Variants in PXDNL observed in about 807,000 individuals in gnomAD.
PXDNL encodes the protein peroxidasin like.
Under a neutral mutation model 150.8 loss-of-function variants are expected in PXDNL, and 145 were observed. That is an observed-to-expected ratio of 0.96 (90% CI 0.84 to 1.10). PXDNL has a LOEUF of 1.10. Among genes scored for constraint, PXDNL ranks in the 50% least tolerant of loss-of-function variants. The probability of loss-of-function intolerance (pLI) is 0.00; values close to 1 mark genes in which losing one functional copy is unlikely to be tolerated. For synonymous variants in PXDNL, 757 were observed against 725.7 expected (o/e 1.04, Z -0.69); for missense variants, 2,087 against 1,873.9 (o/e 1.11, Z -2.10).
intron 14 of PXDNL, among the ~76,000 whole-genome samples, chr8:51,417,802 A>T (rs1027488280): frequency 2.0e-5 from 3 of 152,250 alleles, no homozygotes; most frequent in Admixed American, 2.0e-4. Context: ...GCCTTTATGA[A>T]ATCATTTTGT....
chr8:51,654,680 A>G lies in PXDNL; in HGVS notation c.236+9T>C. The G allele has an allele frequency of 6.2e-7, 1 of 1,605,746 alleles. No homozygotes were observed. Among genetic ancestry groups the G allele is most frequent in the Middle Eastern group, 1.7e-4 (1 of 6,048 alleles). ...TTAGGAACCTTACAGATAAGCAATA[A>G]GTACTCACAGTGTGTTCAAATTCTT... On this transcript the variant is annotated intron_variant, in intron 2 of 22. Coordinates refer to ENST00000356297, the MANE Select transcript of PXDNL (RefSeq NM_144651.5).
chr8:51,742,146 G>A (rs1279491644), intron 1 of PXDNL, among the ~76,000 whole-genome samples: 1 of 152,152 alleles, frequency 6.6e-6, no homozygotes, highest in South Asian at 2.1e-4. Context: ...CATCTAAAAT[G>A]TTACATACTG....
At chr8:51,522,658 A>G (rs1428123735) in intron 4 of PXDNL, among the ~76,000 whole-genome samples, 6 of 152,158 alleles carry the variant, frequency 3.9e-5, no homozygotes, top group African/African-American at 1.4e-4. Context: ...AGCCTGGCCA[A>G]CATGATGAAA....
rs140657871 is a variant in PXDNL, at chr8:51,529,409, C to T, written c.380+27431G>A. ...TTACTTGACTTATCAACAGCATTGCCCACAGGTTATTACTCCTGAAGACCT... is the reference window on the plus strand; with the variant it reads ...TTACTTGACTTATCAACAGCATTGCTCACAGGTTATTACTCCTGAAGACCT... On this transcript the variant is annotated intron_variant, in intron 4 of 22. Coordinates refer to ENST00000356297, the MANE Select transcript of PXDNL (RefSeq NM_144651.5). Among the ~76,000 whole-genome samples, 17 of 152,270 alleles carry T rather than the reference C, an allele frequency of 1.1e-4. No homozygotes were observed. The East Asian group carries it at 3.3e-3, about 29-fold the overall frequency.
At chr8:51,514,671 G>T (rs915958020) in intron 4 of PXDNL, among the ~76,000 whole-genome samples, 1 of 152,064 alleles carries the variant, frequency 6.6e-6, no homozygotes, top group African/African-American at 2.4e-5. Context: ...TTGAGCAAAT[G>T]ACACCACTTA....
At chr8:51,782,733 G>A (rs1043107184) in intron 1 of PXDNL, among the ~76,000 whole-genome samples, 2 of 152,136 alleles carry the variant, frequency 1.3e-5, no homozygotes, top group Non-Finnish European at 2.9e-5. Context: ...TCCAACCAAC[G>A]TCTCCAAGTC....
chr8:51,784,648 CAAAGGA>C (rs1563320562), intron 1 of PXDNL, among the ~76,000 whole-genome samples: 5 of 152,004 alleles, frequency 3.3e-5, no homozygotes, highest in Non-Finnish European at 7.4e-5. Context: ...TAATAAAAGA[CAAAGGA>C]ATGCCTGAAC....
chr8:51,663,089 G>T (rs1390084291), intron 1 of PXDNL, among the ~76,000 whole-genome samples: 1 of 152,178 alleles, frequency 6.6e-6, no homozygotes, highest in Non-Finnish European at 1.5e-5. Flanking sequence ...TTTCAAGGCA[G>T]GTGTTAACAT....
intron 10 of PXDNL, among the ~76,000 whole-genome samples, chr8:51,449,647 A>G (rs989671023): frequency 6.6e-6 from 1 of 152,218 alleles, no homozygotes; most frequent in African/African-American, 2.4e-5. Flanking sequence ...ATTTTGTATT[A>G]TTGCTTTTGT....
At chr8:51,618,121 G>A (rs780538247) in intron 2 of PXDNL, among the ~76,000 whole-genome samples, 2 of 152,190 alleles carry the variant, frequency 1.3e-5, no homozygotes, top group Non-Finnish European at 2.9e-5. Flanking sequence ...GCGCTACCTC[G>A]CCACACAAGC....
At chr8:51,735,361 T>C (rs1357111993) in intron 1 of PXDNL, among the ~76,000 whole-genome samples, 1 of 151,508 alleles carries the variant, frequency 6.6e-6, no homozygotes, top group African/African-American at 2.4e-5. Context: ...GGTGCGTGCC[T>C]GTAATCCCAG....
At chr8:51,393,857 C>T (rs984639560) in intron 17 of PXDNL, among the ~76,000 whole-genome samples, 1 of 152,190 alleles carries the variant, frequency 6.6e-6, no homozygotes, top group South Asian at 2.1e-4. Context: ...AAGGGCACAG[C>T]CCTGATTTTA....
intron 3 of PXDNL, among the ~76,000 whole-genome samples, chr8:51,574,176 A>C (rs1813003146): frequency 6.6e-6 from 1 of 152,060 alleles, no homozygotes; most frequent in Non-Finnish European, 1.5e-5. Flanking sequence ...ACAAGCTGGA[A>C]ATAACTTTTT....
intron 5 of PXDNL, among the ~76,000 whole-genome samples, chr8:51,488,943 G>A (rs1418790567): frequency 1.3e-5 from 2 of 152,164 alleles, no homozygotes; most frequent in East Asian, 1.9e-4. Context: ...TATCATACTT[G>A]TAAAACAAGG....
At chr8:51,627,614 C>T (rs1814391634) in intron 2 of PXDNL, among the ~76,000 whole-genome samples, 1 of 152,110 alleles carries the variant, frequency 6.6e-6, no homozygotes, top group South Asian at 2.1e-4. Context: ...AAATATCAAG[C>T]AGTAACTGTC....
At chr8:51,618,182 G>T (rs761773071) in intron 2 of PXDNL, among the ~76,000 whole-genome samples, 10 of 152,236 alleles carry the variant, frequency 6.6e-5, no homozygotes, top group Non-Finnish European at 1.2e-4. Context: ...AAGCTAAAGG[G>T]CAAAGACACT....
At chr8:51,619,800 G>A (rs796879722) in intron 2 of PXDNL, among the ~76,000 whole-genome samples, 1 of 152,198 alleles carries the variant, frequency 6.6e-6, no homozygotes, top group South Asian at 2.1e-4. Context: ...TTATAGTAGT[G>A]CAAGAACAAA....
At chr8:51,581,513 A>ATAAATAAATAAATAAATAAT (rs538220379) in intron 3 of PXDNL, among the ~76,000 whole-genome samples, 48 of 151,990 alleles carry the variant, frequency 3.2e-4, no homozygotes, top group African/African-American at 9.4e-4. Context: ...AAATAAATAA[A>ATAAATAAATAAATAAATAAT]TTTTAAAAAT....
chr8:51,559,500 A>C (rs191969530), intron 3 of PXDNL, among the ~76,000 whole-genome samples: 75 of 152,138 alleles, frequency 4.9e-4, no homozygotes, highest in Middle Eastern at 3.4e-3. Context: ...CGAAAGAAGA[A>C]AAACACATCA....
Sources: gnomAD v4.1 joint callset for allele counts (sites outside exome capture counted in the v4.1 genomes callset) on GRCh38, gnomAD v4.1.1 for gene constraint, MANE v1.5 for transcripts, NCBI Gene and HGNC (gene_info 2026-07-23, HGNC 2026-07-21) for gene names.